Variants in UBE2E2 observed in about 807,000 individuals in gnomAD.
UBE2E2 encodes the protein ubiquitin-conjugating enzyme E2 E2.
UBE2E2 carries 6 observed loss-of-function variants against 24.7 expected under a neutral mutation model. That is an observed-to-expected ratio of 0.24 (90% CI 0.13 to 0.48). The LOEUF is 0.48. UBE2E2 is among the 20% of genes least tolerant of loss of function. The probability of loss-of-function intolerance (pLI) is 0.99; values close to 1 mark genes in which losing one functional copy is unlikely to be tolerated. For synonymous variants in UBE2E2, 104 were observed against 83.6 expected (o/e 1.24, Z -1.33); for missense variants, 169 against 245.0 (o/e 0.69, Z 2.07).
chr3:23,331,520 G>T (rs527801499), intron 3 of UBE2E2, among the ~76,000 whole-genome samples: 1 of 152,036 alleles, frequency 6.6e-6, no homozygotes, highest in African/African-American at 2.4e-5. Context: ...GGGGGGTAAG[G>T]TGGTGATTTC....
At chr3:23,349,476 C>G (rs547403957) in intron 3 of UBE2E2, among the ~76,000 whole-genome samples, 16 of 152,318 alleles carry the variant, frequency 1.1e-4, no homozygotes, top group Admixed American at 9.8e-4. Flanking sequence ...TTCCCTTTCC[C>G]AGTCAAAGAA....
intron 3 of UBE2E2, among the ~76,000 whole-genome samples, chr3:23,319,498 T>C (rs1252439585): frequency 6.6e-6 from 1 of 152,172 alleles, no homozygotes; most frequent in Non-Finnish European, 1.5e-5. Context: ...TTTATTTGTA[T>C]TAACAAATTT....
chr3:23,590,555 A>G lies in UBE2E2; in HGVS notation c.*724A>G, dbSNP rs971021733. 2 of 152,660 alleles carry G rather than the reference A, an allele frequency of 1.3e-5. No individual in the cohort carries two copies. Among genetic ancestry groups the G allele is most frequent in the Non-Finnish European group, 2.9e-5 (2 of 68,046 alleles). The allele number at this position is 152,660 out of a possible 1,614,324, so 9.5% of individuals were successfully genotyped here. On this transcript the variant is annotated 3_prime_UTR_variant, in exon 6 of 6. Coordinates refer to ENST00000396703, the MANE Select transcript of UBE2E2 (RefSeq NM_152653.4). ...TACACTTGTATTATTAAAGCACTCA[A>G]TAAATCACTGTGGCTGATAACTGCA...
intron 3 of UBE2E2, chr3:23,271,277 G>A (rs758520998): frequency 1.6e-5 from 5 of 307,488 alleles, no homozygotes; most frequent in Non-Finnish European, 3.2e-5. Context: ...TCCTTCAGAT[G>A]TTCAGATGTT....
intron 3 of UBE2E2, among the ~76,000 whole-genome samples, chr3:23,245,150 G>C (rs1697362676): frequency 6.6e-6 from 1 of 152,110 alleles, no homozygotes; most frequent in Non-Finnish European, 1.5e-5. Context: ...ATAGTGGAAA[G>C]ATGTTGAGAT....
At chr3:23,227,858 T>C (rs1000985435) in intron 3 of UBE2E2, among the ~76,000 whole-genome samples, 10 of 152,154 alleles carry the variant, frequency 6.6e-5, no homozygotes, top group African/African-American at 2.4e-4. Context: ...TTGTTTATAT[T>C]CTCATTTCTG....
At chr3:23,283,570 T>G (rs984319830) in intron 3 of UBE2E2, among the ~76,000 whole-genome samples, 2 of 152,028 alleles carry the variant, frequency 1.3e-5, no homozygotes, top group Non-Finnish European at 2.9e-5. Flanking sequence ...CTACAGAAAA[T>G]TTTAAAATTA....
chr3:23,236,629 T>C (rs1381746319), intron 3 of UBE2E2, among the ~76,000 whole-genome samples: 1 of 152,118 alleles, frequency 6.6e-6, no homozygotes, highest in Admixed American at 6.5e-5. Context: ...CTAGCTCCCA[T>C]CTCTGGAACA....
At chr3:23,504,835 G>A (rs1323586910) in intron 4 of UBE2E2, among the ~76,000 whole-genome samples, 1 of 150,820 alleles carries the variant, frequency 6.6e-6, no homozygotes, top group Non-Finnish European at 1.5e-5. Context: ...ATATTATGTT[G>A]GGGTTTTTTC....
At chr3:23,429,110 GC>G (rs1310815987) in intron 3 of UBE2E2, among the ~76,000 whole-genome samples, 4 of 151,446 alleles carry the variant, frequency 2.6e-5, no homozygotes, top group Non-Finnish European at 5.9e-5. Context: ...AACTAAGTAG[GC>G]CTTACATATA....
intron 3 of UBE2E2, among the ~76,000 whole-genome samples, chr3:23,431,078 C>T (rs1698049617): frequency 6.6e-6 from 1 of 152,054 alleles, no homozygotes; most frequent in Admixed American, 6.6e-5. Flanking sequence ...TGGGATGGGA[C>T]AAGTGGTCTG....
chr3:23,279,028 G>A (rs1355235935), intron 3 of UBE2E2, among the ~76,000 whole-genome samples: 2 of 152,044 alleles, frequency 1.3e-5, no homozygotes, highest in Non-Finnish European at 2.9e-5. Context: ...TTTTACTGAT[G>A]AGGTCTTGAG....
At chr3:23,377,181 C>T (rs1371570717) in intron 3 of UBE2E2, among the ~76,000 whole-genome samples, 1 of 152,160 alleles carries the variant, frequency 6.6e-6, no homozygotes, top group African/African-American at 2.4e-5. Context: ...ACAAGGAAAT[C>T]AAGCCCCTGA....
chr3:23,468,193 C>T (rs916942244), intron 3 of UBE2E2, among the ~76,000 whole-genome samples: 3 of 152,214 alleles, frequency 2.0e-5, no homozygotes, highest in Admixed American at 1.3e-4. Flanking sequence ...CTGCCCACCT[C>T]CTTTCCTGCC....
At chr3:23,521,872 T>C (rs1694875330) in intron 4 of UBE2E2, among the ~76,000 whole-genome samples, 1 of 152,116 alleles carries the variant, frequency 6.6e-6, no homozygotes, top group Non-Finnish European at 1.5e-5. Flanking sequence ...GTTCTGGTTT[T>C]GATGGATCCC....
At chr3:23,273,207 C>G (rs183918604) in intron 3 of UBE2E2, among the ~76,000 whole-genome samples, 2 of 152,152 alleles carry the variant, frequency 1.3e-5, no homozygotes, top group Non-Finnish European at 2.9e-5. Flanking sequence ...TAAATTCTCA[C>G]AAAAGTTGTT....
chr3:23,476,940 G>A (rs1003095828), intron 3 of UBE2E2, among the ~76,000 whole-genome samples: 1 of 152,038 alleles, frequency 6.6e-6, no homozygotes, highest in Non-Finnish European at 1.5e-5. Flanking sequence ...AGAAGTTTGT[G>A]TTAAGTTCCT....
chr3:23,564,289 C>T (rs888181989), intron 5 of UBE2E2, among the ~76,000 whole-genome samples: 1 of 152,084 alleles, frequency 6.6e-6, no homozygotes, highest in African/African-American at 2.4e-5. Flanking sequence ...AGCATATTTA[C>T]ATTGGAAACA....
intron 3 of UBE2E2, among the ~76,000 whole-genome samples, chr3:23,265,523 A>G (rs912452633): frequency 2.0e-5 from 3 of 150,886 alleles, no homozygotes; most frequent in Non-Finnish European, 1.5e-5. Context: ...CTAAAGAACA[A>G]CAGAGAAACC....
Sources: allele counts gnomAD v4.1 joint callset (sites outside exome capture counted in the v4.1 genomes callset), GRCh38; gene constraint gnomAD v4.1.1; transcripts MANE v1.5; gene names NCBI Gene and HGNC (gene_info 2026-07-23, HGNC 2026-07-21).